CAMSAP2: variants seen among roughly 807,000 people sequenced by gnomAD.
CAMSAP2 encodes the protein calmodulin-regulated spectrin-associated protein 2.
A neutral mutation model predicts 146.1 loss-of-function variants in CAMSAP2; 26 were observed. The observed-to-expected ratio is 0.18, with a 90% CI of 0.13 to 0.25. The LOEUF is 0.25. CAMSAP2 is among the 10% of genes least tolerant of loss of function. The pLI, the probability that CAMSAP2 is intolerant of heterozygous loss-of-function variation, is 1.00. For synonymous variants in CAMSAP2, 499 were observed against 596.6 expected, an observed-to-expected ratio of 0.84 and a Z score of 2.38; for missense variants, 1,381 against 1,759.3, an observed-to-expected ratio of 0.78 and a Z score of 3.85.
chr1:200,809,282 C>A (rs1157730918), intron 3 of CAMSAP2, among the ~76,000 whole-genome samples: 1 of 152,242 alleles, frequency 6.6e-6, no homozygotes, highest in Non-Finnish European at 1.5e-5. Context: ...TTTTGTCCTA[C>A]TGTTACAATG....
chr1:200,822,139 TACACACACAC>T (rs150135269), intron 4 of CAMSAP2, among the ~76,000 whole-genome samples: 56 of 146,336 alleles, frequency 3.8e-4, no homozygotes, highest in South Asian at 1.3e-3. Context: ...TCTCTCGCTC[TACACACACAC>T]ACACACACAC....
In CAMSAP2 at chr1:200,850,159, T is replaced by C. The variant is rs753949485; in HGVS notation, c.3390T>C (p.Val1130=). The C allele has an allele frequency of 3.1e-6, 5 of 1,606,292 alleles. No homozygotes were observed. In the Admixed American group the frequency reaches 8.8e-5, roughly 28 times the overall value. ...CCCCTGAAAAGGCTGATGTACCTGTTGAAAAATATGATGGAGAAAGTGATA... is the reference window on the plus strand; with the variant it reads ...CCCCTGAAAAGGCTGATGTACCTGTCGAAAAATATGATGGAGAAAGTGATA... ...LKPPEKADVP[V]EKYDGESDKE... Residue 1130 remains valine, a synonymous_variant, in exon 11 of 17, where the codon GTT becomes GTC. Coordinates refer to ENST00000358823, the MANE Select transcript of CAMSAP2 (RefSeq NM_203459.4).
At chr1:200,769,910 T>TGGG (rs2103011667) in intron 2 of CAMSAP2, among the ~76,000 whole-genome samples, 1 of 152,248 alleles carries the variant, frequency 6.6e-6, no homozygotes, top group East Asian at 1.9e-4. Flanking sequence ...ATTCCTGCCT[T>TGGG]GGGGCAGGTG....
intron 4 of CAMSAP2, among the ~76,000 whole-genome samples, chr1:200,819,127 A>C (rs774472515): frequency 6.6e-5 from 10 of 152,242 alleles, no homozygotes; most frequent in Non-Finnish European, 1.2e-4. Flanking sequence ...GAAATGAAAG[A>C]TTTCAAAGGT....
chr1:200,785,031 T>G (rs945544130), intron 2 of CAMSAP2, among the ~76,000 whole-genome samples: 1 of 152,258 alleles, frequency 6.6e-6, no homozygotes, highest in Non-Finnish European at 1.5e-5. Flanking sequence ...ATGGCTGTTC[T>G]CATTTATCCT....
chr1:200,811,097 A>G (rs1666318573), intron 3 of CAMSAP2, among the ~76,000 whole-genome samples: 1 of 152,126 alleles, frequency 6.6e-6, no homozygotes, highest in South Asian at 2.1e-4. Flanking sequence ...TCCAATCAAT[A>G]TTTTTCTGTC....
chr1:200,740,561 C>CTGTA (rs1664133609), intron 1 of CAMSAP2, among the ~76,000 whole-genome samples: 1 of 152,214 alleles, frequency 6.6e-6, no homozygotes, highest in South Asian at 2.1e-4. Flanking sequence ...AGTTTGCTGA[C>CTGTA]TGTAGGGTGC....
intron 4 of CAMSAP2, among the ~76,000 whole-genome samples, chr1:200,824,904 G>A (rs1309631591): frequency 3.3e-5 from 5 of 152,054 alleles, no homozygotes; most frequent in African/African-American, 4.8e-5. Context: ...GCTTGAGCCC[G>A]GGAGGCGGAG....
chr1:200,820,096 C>T (rs892639602), intron 4 of CAMSAP2, among the ~76,000 whole-genome samples: 16 of 151,076 alleles, frequency 1.1e-4, no homozygotes, highest in African/African-American at 2.4e-4. Flanking sequence ...AGTTTTGCTC[C>T]GTCACCCAGG....
rs114512233 is a variant in CAMSAP2 at position 200,857,057 on chromosome 1, T to A, written c.4013-249T>A. On this transcript the variant is annotated intron_variant, in intron 15 of 16. Coordinates refer to ENST00000358823, the MANE Select transcript of CAMSAP2 (RefSeq NM_203459.4). This position sits in a 1 kb window ranked among gnomAD's most constrained non-coding sequence, Gnocchi z 4.7. ...GGTTAAATAGGCAGTATGACAGTTA[T>A]AGCAATATTTTATTTTTAGTACTGC... Among the ~76,000 whole-genome samples, 3 of 152,170 alleles carry A rather than the reference T, an allele frequency of 2.0e-5. No individual in the cohort carries two copies. Among genetic ancestry groups the A allele is most frequent in the African/African-American group, 4.8e-5 (2 of 41,430 alleles).
chr1:200,814,455 A>T (rs1666422009), intron 3 of CAMSAP2, among the ~76,000 whole-genome samples: 1 of 151,776 alleles, frequency 6.6e-6, no homozygotes, highest in Non-Finnish European at 1.5e-5. Context: ...AGAAATATTT[A>T]AAAAATTAGC....
In CAMSAP2 at chr1:200,832,890, G is replaced by GT. The variant is rs201495325; in HGVS notation, c.927+52dup. 6.0e-4 allele frequency: 905 copies of GT among 1,507,828 alleles called. 4 individuals carry two copies. The African/African-American group carries it at 0.01, about 17-fold the overall frequency. 93.4% of individuals were successfully genotyped at this position (1,507,828 alleles called of 1,614,324 possible). A position where few individuals can be genotyped will look rare whatever the true frequency, so the allele number is the denominator to read the frequency against. On this transcript the variant is annotated intron_variant, in intron 6 of 16. Transcript: ENST00000358823. The surrounding 1 kb of genome is among the most constrained non-coding windows in gnomAD (Gnocchi z 4.2). ...TTTTCCCTTTGCTTTGTTAAAATATGTTTTTTTAAAAAACAAACAAAAACA... is the reference window on the plus strand; with the variant it reads ...TTTTCCCTTTGCTTTGTTAAAATATGTTTTTTTTAAAAAACAAACAAAAACA...
intron 4 of CAMSAP2, among the ~76,000 whole-genome samples, chr1:200,822,614 T>C (rs955290095): frequency 1.3e-5 from 2 of 152,214 alleles, no homozygotes; most frequent in East Asian, 3.8e-4. Flanking sequence ...TTTTGATCAG[T>C]TGGTTAAGAT....
At position 200,832,261 on chromosome 1, in the gene CAMSAP2, A is replaced by G; in HGVS notation, c.707A>G (p.Asn236Ser). The change falls in exon 5 of 17, where the codon AAT becomes AGT. Residue 236 changes from asparagine to serine, a missense_variant. By Grantham distance (46) the Asn-to-Ser change is conservative (BLOSUM62 1). This residue lies in a region of CAMSAP2 where 284 missense variants were observed against 406.9 expected (regional missense o/e 0.70). Transcript: ENST00000358823. This position sits in a 1 kb window ranked among gnomAD's most constrained non-coding sequence, Gnocchi z 4.2. ...KQLPCIPLVE[N>S]LLKDGTDGCA... ...CTGCCTTGCATTCCATTGGTAGAAA[A>G]TTTGTTGAAGGATGGGACAGATGGC... The G allele has an allele frequency of 5.0e-6, 8 of 1,613,762 alleles. No homozygotes were observed. Among genetic ancestry groups the G allele is most frequent in the Non-Finnish European group, 6.8e-6 (8 of 1,179,814 alleles).
chr1:200,775,590 C>T (rs994236219), intron 2 of CAMSAP2, among the ~76,000 whole-genome samples: 20 of 151,998 alleles, frequency 1.3e-4, no homozygotes, highest in African/African-American at 3.1e-4. Flanking sequence ...AGTGCAGTGG[C>T]GCAATCTCAG....
intron 3 of CAMSAP2, 110 bp downstream of exon 3, chr1:200,807,647 CTT>C (rs1342238738): frequency 9.9e-6 from 7 of 707,528 alleles, no homozygotes; most frequent in Non-Finnish European, 1.4e-5. Flanking sequence ...AAAGTGCAAA[CTT>C]AAGTTGTAAA....
intron 2 of CAMSAP2, among the ~76,000 whole-genome samples, chr1:200,767,888 C>A (rs964638428): frequency 1.8e-4 from 28 of 152,252 alleles, no homozygotes; most frequent in Middle Eastern, 6.8e-3. Flanking sequence ...TCTTTTGATA[C>A]CTTACAACCA....
intron 4 of CAMSAP2, among the ~76,000 whole-genome samples, chr1:200,822,139 TACACACACACACACACAC>T (rs150135269): frequency 6.8e-5 from 10 of 146,232 alleles, no homozygotes; most frequent in African/African-American, 2.0e-4. Flanking sequence ...TCTCTCGCTC[TACACACACACACACACAC>T]ACACACACAC....
At chr1:200,822,536 T>G (rs1399570907) in intron 4 of CAMSAP2, among the ~76,000 whole-genome samples, 3 of 152,224 alleles carry the variant, frequency 2.0e-5, no homozygotes, top group African/African-American at 7.2e-5. Flanking sequence ...CTTTGTAAAT[T>G]GTGTCCTTAT....
Sources: gnomAD v4.1 joint callset for allele counts (sites outside exome capture counted in the v4.1 genomes callset) on GRCh38, gnomAD v4.1.1 for gene constraint, gnomAD v4.1.1 regional missense constraint, Gnocchi (gnomAD v3.1) non-coding constraint, MANE v1.5 for transcripts, NCBI Gene and HGNC (gene_info 2026-07-23, HGNC 2026-07-21) for gene names.